The following MAMLD1 variants were observed in gnomAD, a reference collection of about 807,000 sequenced individuals.
MAMLD1 encodes the protein mastermind-like domain-containing protein 1.
A neutral mutation model predicts 45.0 loss-of-function variants in MAMLD1; 14 were observed. The observed-to-expected ratio is 0.31, with a 90% CI of 0.21 to 0.49. The LOEUF is 0.49. Among genes scored for constraint, MAMLD1 ranks in the 20% least tolerant of loss-of-function variants. The probability of loss-of-function intolerance (pLI) is 0.99; values close to 1 mark genes in which losing one functional copy is unlikely to be tolerated. For synonymous variants in MAMLD1, 254 were observed against 247.8 expected, an observed-to-expected ratio of 1.02 and a Z score of -0.24; for missense variants, 543 against 603.6, an observed-to-expected ratio of 0.90 and a Z score of 1.05.
chrX:150,462,088 C>T (rs2036058395), intron 2 of MAMLD1, among the ~76,000 whole-genome samples: 1 of 111,997 alleles, frequency 8.9e-6, no homozygotes, highest in Non-Finnish European at 1.9e-5. Context: ...GGCAGCAATC[C>T]TGTGGAGGGC....
intron 4 of MAMLD1, among the ~76,000 whole-genome samples, chrX:150,472,938 A>G (rs782419294): frequency 1.8e-5 from 2 of 110,968 alleles, no homozygotes; most frequent in South Asian, 7.6e-4. Context: ...CTTTATCTGA[A>G]CTCATACAGT....
intron 2 of MAMLD1, among the ~76,000 whole-genome samples, chrX:150,453,003 G>T (rs1004138145): frequency 1.8e-5 from 2 of 110,860 alleles, no homozygotes; most frequent in African/African-American, 6.6e-5. Context: ...TCACTTGCAC[G>T]GTTTAGAAAT....
At chrX:150,397,531 A>G (rs1357353306) in intron 1 of MAMLD1, among the ~76,000 whole-genome samples, 1 of 111,597 alleles carries the variant, frequency 9.0e-6, no homozygotes, top group Admixed American at 9.5e-5. Context: ...TTGTTTGGGA[A>G]TATGGAATAA....
At chrX:150,388,630 G>T (rs1557402104) in intron 1 of MAMLD1, among the ~76,000 whole-genome samples, 1 of 111,565 alleles carries the variant, frequency 9.0e-6, no homozygotes, top group Non-Finnish European at 1.9e-5. Context: ...AGAGTTTTTG[G>T]TAATATTCCC....
intron 6 of MAMLD1, among the ~76,000 whole-genome samples, chrX:150,507,763 TC>T (rs1440316142): frequency 1.5e-4 from 17 of 112,315 alleles, no homozygotes; most frequent in Admixed American, 6.6e-4. Flanking sequence ...GCGTGGCCTT[TC>T]CTTTTGTCTG....
chrX:150,402,650 T>C (rs1795998429), intron 1 of MAMLD1, among the ~76,000 whole-genome samples: 1 of 111,736 alleles, frequency 8.9e-6, no homozygotes, highest in Non-Finnish European at 1.9e-5. Context: ...TTATTCAAAA[T>C]AGCAAAGACT....
chrX:150,362,677 C>G (rs2031073687), upstream of MAMLD1: 1 of 112,036 alleles, frequency 8.9e-6, no homozygotes, highest in African/African-American at 3.2e-5. Flanking sequence ...CACGGCTCAC[C>G]AGCTCGTTTT....
chrX:150,458,273 C>T (rs1557405443), intron 2 of MAMLD1, among the ~76,000 whole-genome samples: 1 of 111,862 alleles, frequency 8.9e-6, no homozygotes, highest in Non-Finnish European at 1.9e-5. Flanking sequence ...AGGTCATAGA[C>T]AGGATGCCCC....
chrX:150,472,710 G>T (rs975768653), intron 4 of MAMLD1, among the ~76,000 whole-genome samples: 17 of 112,111 alleles, frequency 1.5e-4, no homozygotes, highest in Non-Finnish European at 2.3e-4. Context: ...AGAAGTCACA[G>T]TCTCTATGAC....
At chrX:150,490,214 G>A (rs1340098754) in intron 5 of MAMLD1, among the ~76,000 whole-genome samples, 1 of 112,285 alleles carries the variant, frequency 8.9e-6, no homozygotes, top group Non-Finnish European at 1.9e-5. Context: ...GGAAGGCAGA[G>A]TCCCTGGCAG....
At chrX:150,363,782 C>G (rs1380333835) in intron 1 of MAMLD1, among the ~76,000 whole-genome samples, 1 of 112,376 alleles carries the variant, frequency 8.9e-6, no homozygotes, top group East Asian at 2.8e-4. Flanking sequence ...CGGCGCCCGT[C>G]GGGCGTCTGA....
At chrX:150,487,122 A>T (rs1180640429) in intron 5 of MAMLD1, among the ~76,000 whole-genome samples, 1 of 111,375 alleles carries the variant, frequency 9.0e-6, no homozygotes, top group Non-Finnish European at 1.9e-5. Flanking sequence ...TAGTACAAGG[A>T]CACCCCTGCC....
chrX:150,409,905 A>G lies in MAMLD1; in HGVS notation c.-63-35549A>G, dbSNP rs1557402778. ...TGGGGAGGTGGGGGAAGTAATTAAC[A>G]TTTTATAAAGTAAGCTGGAGAAACT... On this transcript the variant is annotated intron_variant, in intron 1 of 7. Transcript: ENST00000370401. 8.0e-5 allele frequency among the ~76,000 whole-genome samples: 9 copies of G among 112,677 alleles called. 1 individual carries two copies. The highest frequency in any genetic ancestry group is 7.5e-4 in the Admixed American group (8 of 10,687).
intron 1 of MAMLD1, among the ~76,000 whole-genome samples, chrX:150,374,235 C>T (rs1325126079): frequency 2.7e-5 from 3 of 112,727 alleles, no homozygotes; most frequent in African/African-American, 9.7e-5. Flanking sequence ...ATGGTTCTCT[C>T]GAGGATCTTT....
chrX:150,385,166 G>T (rs1557402002), intron 1 of MAMLD1, among the ~76,000 whole-genome samples: 1 of 110,860 alleles, frequency 9.0e-6, no homozygotes, highest in African/African-American at 3.3e-5. Flanking sequence ...ACATATAAGT[G>T]AGACCATATA....
chrX:150,362,286 G>C (rs941319443), upstream of MAMLD1, among the ~76,000 whole-genome samples: 2 of 111,114 alleles, frequency 1.8e-5, no homozygotes, highest in African/African-American at 6.6e-5. Context: ...TCAGGCTCTG[G>C]TGAAAATGGG....
At chrX:150,403,943 A>G (rs1457774875) in intron 1 of MAMLD1, among the ~76,000 whole-genome samples, 3 of 46,988 alleles carry the variant, frequency 6.4e-5, no homozygotes, top group African/African-American at 2.7e-4. Context: ...AAGAAAGAAA[A>G]GAAAGAAAGA....
chrX:150,504,337 G>T, intron 6 of MAMLD1: 1 of 749,326 alleles, frequency 1.3e-6, no homozygotes, highest in Non-Finnish European at 1.6e-6. Flanking sequence ...CATTTTCTAA[G>T]TGATAGTGAT....
Position 150,470,521 on chromosome X carries a change from G to T in MAMLD1, c.948G>T (p.Gly316=). ...AGGCGTTGGCAGCCAGCAAGCAGGG[G>T]TCTGCTACAAAGCAGCAAGGGCCCA... ...QLKALAASKQ[G]SATKQQGPTP... The change falls in exon 4 of 8, where the codon GGG becomes GGT. Residue 316 remains glycine, a synonymous_variant. Coordinates refer to ENST00000370401, the MANE Select transcript of MAMLD1 (RefSeq NM_005491.5). 1 of 1,211,626 alleles carries T rather than the reference G, an allele frequency of 8.3e-7. No homozygotes were observed. Among genetic ancestry groups the T allele is most frequent in the Non-Finnish European group, 1.1e-6 (1 of 895,458 alleles).
Sources: gnomAD v4.1 joint callset for allele counts (sites outside exome capture counted in the v4.1 genomes callset) on GRCh38, gnomAD v4.1.1 for gene constraint, MANE v1.5 for transcripts, NCBI Gene and HGNC (gene_info 2026-07-23, HGNC 2026-07-21) for gene names.